Variants in LALBA observed in about 807,000 individuals in gnomAD.
LALBA encodes the protein alpha-lactalbumin.
In LALBA, 12 loss-of-function variants were observed where a neutral mutation model predicts 13.4. The observed-to-expected ratio is 0.89, with a 90% CI of 0.57 to 1.45. The LOEUF (loss-of-function observed/expected upper bound fraction) is 1.45. Among genes scored for constraint, LALBA ranks in the 40% most tolerant of loss-of-function variants. The probability of loss-of-function intolerance (pLI) is 0.00; values close to 1 mark genes in which losing one functional copy is unlikely to be tolerated. For synonymous variants in LALBA, 64 were observed against 61.0 expected, an observed-to-expected ratio of 1.05 and a Z score of -0.23; for missense variants, 145 against 165.9, an observed-to-expected ratio of 0.87 and a Z score of 0.69.
upstream of LALBA, among the ~76,000 whole-genome samples, chr12:48,570,298 T>C (rs536285523): frequency 5.4e-4 from 82 of 152,354 alleles, no homozygotes; most frequent in African/African-American, 1.9e-3. Context: ...TGGCTTTGTT[T>C]AGCCCTTTGT....
chr12:48,569,392 A>G lies in LALBA; in HGVS notation c.134-152T>C, dbSNP rs59788278. 5.5e-4 allele frequency: 370 copies of G among 668,384 alleles called. 1 individual carries two copies. In the African/African-American group the frequency reaches 5.6e-3, roughly 10 times the overall value. 41.4% of individuals were successfully genotyped at this position (668,384 alleles called of 1,614,324 possible). ...ATGAGATGGAGAATTCCAAAAAAAAATCAGACAATAAGAGAAAGAAAGGAT... is the reference window on the plus strand; with the variant it reads ...ATGAGATGGAGAATTCCAAAAAAAAGTCAGACAATAAGAGAAAGAAAGGAT... On this transcript the variant is annotated intron_variant, in intron 1 of 3. Coordinates refer to ENST00000301046, the MANE Select transcript of LALBA (RefSeq NM_002289.3).
At position 48,570,033 on chromosome 12, in the gene LALBA, C is replaced by A. The variant is rs766111432; in HGVS notation, c.-13G>T. 6.2e-7 allele frequency: 1 copy of A among 1,613,634 alleles called. No individual in the cohort carries two copies. The highest frequency in any genetic ancestry group is 8.5e-7 in the Non-Finnish European group (1 of 1,179,838). On this transcript the variant is annotated 5_prime_UTR_variant, in exon 1 of 4. Coordinates refer to ENST00000301046, the MANE Select transcript of LALBA (RefSeq NM_002289.3). ...CAAAGAACCTCATTTTGGCTACCCC[C>A]AAGAACCTGAAATGGAAGCATCACT...
chr12:48,570,239 T>C (rs907354985), upstream of LALBA, among the ~76,000 whole-genome samples: 2 of 152,150 alleles, frequency 1.3e-5, no homozygotes, highest in African/African-American at 2.4e-5. Context: ...CCATAGCAGG[T>C]ATTGTTCTCT....
upstream of LALBA, among the ~76,000 whole-genome samples, chr12:48,571,152 G>A (rs1938628070): frequency 6.6e-6 from 1 of 152,086 alleles, no homozygotes; most frequent in South Asian, 2.1e-4. Context: ...CAGAAAGTGG[G>A]AAGGACCCAA....
chr12:48,568,938 T>A, intron 2 of LALBA, 144 bp downstream of exon 2: 1 of 700,700 alleles, frequency 1.4e-6, no homozygotes, highest in Non-Finnish European at 2.4e-6. Context: ...AGCTTCTTAC[T>A]CAGTACTGCC....
chr12:48,570,212 C>G, upstream of LALBA: 1 of 613,060 alleles, frequency 1.6e-6, no homozygotes, highest in South Asian at 2.0e-5. Flanking sequence ...TTTCCTTTCC[C>G]TCTCCCAGTA....
chr12:48,569,313 G>T, intron 1 of LALBA, 73 bp from the exon 2 acceptor site: 1 of 1,318,156 alleles, frequency 7.6e-7, no homozygotes, highest in Non-Finnish European at 1.0e-6. Flanking sequence ...GTAATTCTCA[G>T]ACAAAAATGC....
At chr12:48,570,974 C>T (rs1229591168), upstream of LALBA, among the ~76,000 whole-genome samples, 7 of 137,026 alleles carry the variant, frequency 5.1e-5, no homozygotes, top group African/African-American at 1.9e-4. Context: ...AAGTGAGACC[C>T]TATCTTTAAA....
upstream of LALBA, among the ~76,000 whole-genome samples, chr12:48,570,817 T>C (rs1938623810): frequency 6.6e-6 from 1 of 151,314 alleles, no homozygotes; most frequent in Non-Finnish European, 1.5e-5. Flanking sequence ...ATCCCATCTC[T>C]ACAAAAAAAA....
At chr12:48,571,672 G>A (rs186328417), upstream of LALBA, among the ~76,000 whole-genome samples, 68 of 152,176 alleles carry the variant, frequency 4.5e-4, 1 homozygote, top group Admixed American at 3.9e-3. Flanking sequence ...ATTACAGACA[G>A]GAGCCGCTGC....
At chr12:48,570,207 T>G (rs1256743401), upstream of LALBA, 1 of 621,032 alleles carries the variant, frequency 1.6e-6, no homozygotes, top group Non-Finnish European at 2.8e-6. Context: ...CTACTTTTCC[T>G]TTCCCTCTCC....
rs1938612343 is a variant in LALBA at position 48,569,876 on chromosome 12, C to A, written c.133+12G>T. Reference sequence around the variant, plus strand: ...ATGAGGAATGGATGAAACACAGAGGCAGGGAACTCACATTCAGGCAAAGCG... The same window carrying A: ...ATGAGGAATGGATGAAACACAGAGGAAGGGAACTCACATTCAGGCAAAGCG... On this transcript the variant is annotated intron_variant, in intron 1 of 3. Coordinates refer to ENST00000301046, the MANE Select transcript of LALBA (RefSeq NM_002289.3). The A allele has an allele frequency of 6.2e-7, 1 of 1,613,340 alleles. No individual in the cohort carries two copies.
rs374760149 is a variant in LALBA at position 48,569,209 on chromosome 12, A to G, written c.165T>C (p.Tyr55=). 23 of 1,613,468 alleles carry G rather than the reference A, an allele frequency of 1.4e-5. No individual in the cohort carries two copies. The highest frequency in any genetic ancestry group is 1.9e-5 in the Non-Finnish European group (22 of 1,179,572). The change falls in exon 2 of 4, where the codon TAT becomes TAC. Residue 55 remains tyrosine (Y), a synonymous_variant. Coordinates refer to ENST00000301046, the MANE Select transcript of LALBA (RefSeq NM_002289.3). ...LICTMFHTSG[Y]DTQAIVENNE... is the part of the protein sequence containing the mutation. ...TGTTTTCAACTATGGCTTGTGTGTC[A>G]TAACCACTGGTGTGAAACATGGTAC...
At chr12:48,571,677 C>T (rs548783141), upstream of LALBA, among the ~76,000 whole-genome samples, 8 of 152,204 alleles carry the variant, frequency 5.3e-5, no homozygotes, top group African/African-American at 1.4e-4. Context: ...AGACAGGAGC[C>T]GCTGCGCTGT....
At chr12:48,571,019 C>T (rs1428032048), upstream of LALBA, among the ~76,000 whole-genome samples, 2 of 149,756 alleles carry the variant, frequency 1.3e-5, no homozygotes, top group East Asian at 2.0e-4. Context: ...AGCTATCCTA[C>T]GAGCTATTAT....
chr12:48,567,801 A>T lies in LALBA; in HGVS notation c.*156T>A. ...CAGTGCACCACTCAGGCATCCCTGGAAAATAGTCTTCAAGAATTCGGTGAT... is the reference window on the plus strand; with the variant it reads ...CAGTGCACCACTCAGGCATCCCTGGTAAATAGTCTTCAAGAATTCGGTGAT... On this transcript the variant is annotated 3_prime_UTR_variant, in exon 4 of 4. Transcript: ENST00000301046. The T allele has an allele frequency of 1.5e-6, 1 of 665,514 alleles. No individual in the cohort carries two copies. Among genetic ancestry groups the T allele is most frequent in the Non-Finnish European group, 2.7e-6 (1 of 374,338 alleles). The allele number at this position is 665,514 out of a possible 1,614,324, so 41.2% of individuals were successfully genotyped here.
At chr12:48,568,051 C>A (rs1420735691) in intron 3 of LALBA, 34 bp from the exon 4 acceptor site, 1 of 1,509,002 alleles carries the variant, frequency 6.6e-7, no homozygotes, top group Non-Finnish European at 9.1e-7. Context: ...GGTGAGTTAG[C>A]TGACTGAATC....
chr12:48,571,266 A>C (rs1652893545), upstream of LALBA, among the ~76,000 whole-genome samples: 1 of 151,888 alleles, frequency 6.6e-6, no homozygotes. Flanking sequence ...AGTTCTGAAT[A>C]GCTCCTTTAA....
upstream of LALBA, among the ~76,000 whole-genome samples, chr12:48,571,719 C>G (rs534265909): frequency 6.6e-6 from 1 of 152,042 alleles, no homozygotes; most frequent in Non-Finnish European, 1.5e-5. Context: ...TTATCCCAAC[C>G]AATCTATTTA....
Sources: allele counts gnomAD v4.1 joint callset (sites outside exome capture counted in the v4.1 genomes callset), GRCh38; gene constraint gnomAD v4.1.1; transcripts MANE v1.5; gene names NCBI Gene and HGNC (gene_info 2026-07-23, HGNC 2026-07-21).